Variants in ADAMTS9 observed in about 807,000 individuals in gnomAD.
ADAMTS9 encodes the protein A disintegrin and metalloproteinase with thrombospondin motifs 9.
A neutral mutation model predicts 257.1 loss-of-function variants in ADAMTS9; 107 were observed. The observed-to-expected ratio is 0.42, with a 90% confidence interval of 0.36 to 0.49. ADAMTS9 has a LOEUF of 0.49. Ranked by LOEUF, ADAMTS9 falls within the 20% of genes least tolerant of loss-of-function variation. The pLI is 0.03. For missense variants in ADAMTS9, 2,353 were observed against 2,469.1 expected, an observed-to-expected ratio of 0.95 and a Z score of 1.00; for synonymous variants, 982 against 880.9, an observed-to-expected ratio of 1.11 and a Z score of -2.03.
At chr3:64,579,304 T>C (rs1186362394) in intron 28 of ADAMTS9, among the ~76,000 whole-genome samples, 4 of 152,178 alleles carry the variant, frequency 2.6e-5, no homozygotes, top group South Asian at 4.1e-4. Context: ...TCCTTTTGTA[T>C]TTTCCCCTAT....
At chr3:64,645,554 T>C (rs541834944) in intron 11 of ADAMTS9, among the ~76,000 whole-genome samples, 2 of 152,254 alleles carry the variant, frequency 1.3e-5, no homozygotes, top group South Asian at 4.2e-4. Flanking sequence ...GGCAACTCTA[T>C]GAAAAAGAAA....
intron 39 of ADAMTS9, 47 bp from the exon 40 acceptor site, chr3:64,517,168 G>T (rs779655220): frequency 1.3e-5 from 2 of 152,596 alleles, no homozygotes; most frequent in African/African-American, 4.8e-5. Context: ...CTCAAATGCT[G>T]CAAGTTAAGA....
Position 64,540,722 on chromosome 3 carries a change from T to C in ADAMTS9, c.5521+373A>G, listed in dbSNP as rs146933183. Among the ~76,000 whole-genome samples the C allele has an allele frequency of 3.3e-5, 5 of 152,276 alleles. No individual in the cohort carries two copies. The East Asian group carries it at 9.6e-4, about 29-fold the overall frequency. On this transcript the variant is annotated intron_variant, in intron 36 of 39. Coordinates refer to ENST00000498707, the MANE Select transcript of ADAMTS9 (RefSeq NM_182920.2). ...CCTAACTTGACCTTAGGGTCTCTAT[T>C]TCAATGTCATATTTTCTGGAATGCT... is the stretch of plus-strand genomic sequence containing the variant.
chr3:64,600,393 G>A (rs1291508332), intron 26 of ADAMTS9, among the ~76,000 whole-genome samples: 1 of 152,158 alleles, frequency 6.6e-6, no homozygotes, highest in East Asian at 1.9e-4. Context: ...CAGGCACAAT[G>A]AGGAAAAGAA....
At chr3:64,562,324 T>C (rs1490939892) in intron 29 of ADAMTS9, among the ~76,000 whole-genome samples, 2 of 152,220 alleles carry the variant, frequency 1.3e-5, no homozygotes, top group African/African-American at 4.8e-5. Context: ...AATTTGTGTC[T>C]ATTTACAACC....
intron 3 of ADAMTS9, among the ~76,000 whole-genome samples, chr3:64,661,356 A>G (rs1469701319): frequency 6.6e-6 from 1 of 151,890 alleles, no homozygotes; most frequent in African/African-American, 2.4e-5. Flanking sequence ...TTGTTAAATC[A>G]TCAAATGAAT....
chr3:64,644,017 A>AC (rs1700725522), intron 11 of ADAMTS9, among the ~76,000 whole-genome samples: 1 of 152,182 alleles, frequency 6.6e-6, no homozygotes, highest in Admixed American at 6.5e-5. Context: ...GTCTGTTTCC[A>AC]CAATCAAAAA....
At chr3:64,626,575 C>T (rs11715312) in intron 16 of ADAMTS9, among the ~76,000 whole-genome samples, 32,765 of 152,050 alleles carry the variant, frequency 0.22, 4,118 homozygotes, top group Non-Finnish European at 0.27. Flanking sequence ...GGTTGAAAAA[C>T]TACCTATTGG....
At chr3:64,656,980 C>T (rs1381431064) in intron 4 of ADAMTS9, among the ~76,000 whole-genome samples, 8 of 151,974 alleles carry the variant, frequency 5.3e-5, no homozygotes, top group African/African-American at 1.2e-4. Flanking sequence ...AGTTATGCTA[C>T]GGCTGAAAAT....
chr3:64,618,971 T>C (rs368349276), intron 19 of ADAMTS9, among the ~76,000 whole-genome samples: 4 of 152,120 alleles, frequency 2.6e-5, no homozygotes, highest in African/African-American at 7.2e-5. Flanking sequence ...ACAAATTAAA[T>C]AGTGGCTCAC....
intron 3 of ADAMTS9, among the ~76,000 whole-genome samples, chr3:64,667,484 G>C (rs1051031453): frequency 6.6e-6 from 1 of 152,170 alleles, no homozygotes; most frequent in African/African-American, 2.4e-5. Flanking sequence ...AGAAGGGCGT[G>C]CGAGTGGAAG....
rs2083186025 is a variant in ADAMTS9, at chr3:64,545,541, A to G, written c.5064+1217T>C. Among the ~76,000 whole-genome samples, 3 of 152,136 alleles carry G rather than the reference A, an allele frequency of 2.0e-5. No homozygotes were observed. The South Asian group carries it at 6.2e-4, about 32-fold the overall frequency. On this transcript the variant is annotated intron_variant, in intron 32 of 39. Transcript: ENST00000498707. ...CCAAACACTGCATGTTCTCACTCATAGGTGGGAACTGAACAATGAGAACAC... is the reference window on the plus strand; with the variant it reads ...CCAAACACTGCATGTTCTCACTCATGGGTGGGAACTGAACAATGAGAACAC...
chr3:64,631,651 A>G (rs1020827820), intron 15 of ADAMTS9, 101 bp from the exon 16 acceptor site: 2 of 1,223,890 alleles, frequency 1.6e-6, no homozygotes, highest in Non-Finnish European at 2.4e-6. Context: ...TATAATTCTC[A>G]TATAATTCTA....
In ADAMTS9 at chr3:64,654,399, T is replaced by C. The variant is rs756088272; in HGVS notation, c.1270A>G (p.Ser424Gly). 1.9e-6 allele frequency: 3 copies of C among 1,614,152 alleles called. No individual in the cohort carries two copies. The highest frequency in any genetic ancestry group is 1.7e-5 in the Admixed American group (1 of 60,030). ...ATCGTAAAAGCTGTACTCAATCCAC[T>C]ATCTTCACTAATAGAACAGCTTCTA... Reference protein sequence around the residue: ...PYRSCSISEDSGLSTAFTIAH... With the variant: ...PYRSCSISEDGGLSTAFTIAH... The change falls in exon 8 of 40, where the codon AGT becomes GGT. Residue 424 changes from serine to glycine, a missense_variant. Physicochemically the swap from Ser to Gly is moderately conservative, Grantham distance 56. Coordinates refer to ENST00000498707, the MANE Select transcript of ADAMTS9 (RefSeq NM_182920.2).
intron 28 of ADAMTS9, among the ~76,000 whole-genome samples, chr3:64,572,092 T>G (rs1303108225): frequency 1.3e-5 from 2 of 152,232 alleles, no homozygotes; most frequent in Admixed American, 6.5e-5. Context: ...TGACTTTTTT[T>G]TCTTGGGAAA....
intron 28 of ADAMTS9, among the ~76,000 whole-genome samples, chr3:64,569,254 T>C (rs2083618518): frequency 6.6e-6 from 1 of 152,164 alleles, no homozygotes; most frequent in Non-Finnish European, 1.5e-5. Flanking sequence ...AAAAATTTGA[T>C]ATGACAGCTT....
intron 23 of ADAMTS9, among the ~76,000 whole-genome samples, chr3:64,606,706 C>A (rs909040770): frequency 1.1e-4 from 17 of 152,060 alleles, no homozygotes. Flanking sequence ...AAAATGAGCC[C>A]AAAACCCAAC....
chr3:64,682,765 G>A (rs1701790594), intron 2 of ADAMTS9, among the ~76,000 whole-genome samples: 1 of 152,316 alleles, frequency 6.6e-6, no homozygotes, highest in East Asian at 1.9e-4. Flanking sequence ...ATCTCTAGGG[G>A]TAGGGCCCAA....
At chr3:64,560,351 G>C (rs2083399660) in intron 30 of ADAMTS9, among the ~76,000 whole-genome samples, 1 of 152,186 alleles carries the variant, frequency 6.6e-6, no homozygotes, top group Admixed American at 6.5e-5. Context: ...AAAAGACTGA[G>C]TAGATGGAGA....
Sources: gnomAD v4.1 joint callset for allele counts (sites outside exome capture counted in the v4.1 genomes callset) on GRCh38, gnomAD v4.1.1 for gene constraint, MANE v1.5 for transcripts, NCBI Gene and HGNC (gene_info 2026-07-23, HGNC 2026-07-21) for gene names.